The following RSRC2 variants were observed in gnomAD, a reference collection of about 807,000 sequenced individuals.
RSRC2 encodes the protein arginine and serine rich coiled-coil 2, also known as arginine/serine-rich coiled-coil protein 2.
RSRC2 carries 5 observed loss-of-function variants against 61.3 expected under a neutral mutation model. The ratio of observed to expected loss-of-function variants is 0.08; its 90% confidence interval spans 0.04 to 0.17. The LOEUF is 0.17. Ranked by LOEUF, RSRC2 falls within the 10% of genes least tolerant of loss-of-function variation. RSRC2 has a pLI of 1.00. For synonymous variants in RSRC2, 202 were observed against 166.5 expected, an observed-to-expected ratio of 1.21 and a Z score of -1.64; for missense variants, 381 against 518.8, an observed-to-expected ratio of 0.73 and a Z score of 2.58.
intron 3 of RSRC2, chr12:122,521,026 T>C (rs1050705372): frequency 8.3e-6 from 2 of 240,632 alleles, no homozygotes; most frequent in Non-Finnish European, 1.6e-5. Context: ...GGTATTGCTA[T>C]GTAAAGATGA....
intron 5 of RSRC2, 43 bp downstream of exon 5, chr12:122,517,184 C>CT: frequency 6.2e-7 from 1 of 1,612,286 alleles, no homozygotes; most frequent in Non-Finnish European, 8.5e-7. Context: ...AACAGACTCT[C>CT]TGAGGGTCCT....
intron 6 of RSRC2, among the ~76,000 whole-genome samples, chr12:122,512,800 T>C (rs1269216083): frequency 1.3e-5 from 2 of 151,968 alleles, no homozygotes; most frequent in East Asian, 1.9e-4. Flanking sequence ...CAAGCTATAA[T>C]TTTATTCCCT....
intron 1 of RSRC2, among the ~76,000 whole-genome samples, chr12:122,524,111 C>T (rs1382844192): frequency 2.6e-5 from 4 of 152,142 alleles, no homozygotes; most frequent in Non-Finnish European, 4.4e-5. Context: ...TCAACTTTCT[C>T]GTTTCACAGA....
intron 9 of RSRC2, 57 bp downstream of exon 9, chr12:122,506,777 A>G (rs1958141265): frequency 1.3e-5 from 13 of 1,005,626 alleles, no homozygotes; most frequent in Admixed American, 2.0e-5. Context: ...TGAGGGAAGA[A>G]CAGTGCAGGA....
At chr12:122,522,641 G>A (rs1329682693) in intron 1 of RSRC2, among the ~76,000 whole-genome samples, 1 of 152,182 alleles carries the variant, frequency 6.6e-6, no homozygotes, top group East Asian at 1.9e-4. Context: ...CTTTTTAGAT[G>A]TGTGAATGCA....
rs1958236513 is a variant in RSRC2, at chr12:122,507,986, TAG to T, written c.1035+230_1035+231del. On this transcript the variant is annotated intron_variant, in intron 8 of 9. Transcript: ENST00000331738. ...CAGCTGATTTTTATCTTCTTTTCAG[TAG>T]AGACAGGGTTTTGCCATGTTGGCCA... 5.3e-6 allele frequency: 3 copies of T among 567,686 alleles called. No homozygotes were observed. In the East Asian group the frequency reaches 9.2e-5, roughly 17 times the overall value. 35.2% of individuals were successfully genotyped at this position (567,686 alleles called of 1,614,324 possible).
rs1388867014 is a variant in RSRC2, at chr12:122,505,269, A to G, written c.*258T>C. 1 of 326,848 alleles carries G rather than the reference A, an allele frequency of 3.1e-6. No individual in the cohort carries two copies. Among genetic ancestry groups the G allele is most frequent in the East Asian group, 4.9e-5 (1 of 20,300 alleles). The allele number at this position is 326,848 out of a possible 1,614,324, so 20.2% of individuals were successfully genotyped here. ...TTTTATCCCCACCTGCAGCTTTTATATATTTGAAAAGTAGAATTCATGAAC... is the reference window on the plus strand; with the variant it reads ...TTTTATCCCCACCTGCAGCTTTTATGTATTTGAAAAGTAGAATTCATGAAC... On this transcript the variant is annotated 3_prime_UTR_variant, in exon 10 of 10. Transcript: ENST00000331738.
Position 122,517,272 on chromosome 12 carries a change from T to C in RSRC2, c.557A>G (p.His186Arg), listed in dbSNP as rs754171662. The C allele has an allele frequency of 3.1e-6, 5 of 1,614,046 alleles. No homozygotes were observed. Among genetic ancestry groups the C allele is most frequent in the Non-Finnish European group, 4.2e-6 (5 of 1,180,042 alleles). The change falls in exon 5 of 10, where the codon CAC (histidine) becomes CGC (arginine). Residue 186 changes from histidine to arginine, a missense_variant. Around this residue, in one of 4 missense-constraint regions of RSRC2, gnomAD observed 266 missense variants for 270.5 expected, o/e 0.98. Transcript: ENST00000331738. ...ACTCCTGCTTCTAGTCCTATGCCTG[T>C]GTCTTGATCTTGAGCGGGAACGAGA... ...IRSRSRSRSR[H>R]RHRTRSRSRT...
At position 122,504,495 on chromosome 12, in the gene RSRC2, G is replaced by C. The variant is rs1958009051; in HGVS notation, c.*1032C>G. On this transcript the variant is annotated 3_prime_UTR_variant, in exon 10 of 10. Coordinates refer to ENST00000331738, the MANE Select transcript of RSRC2 (RefSeq NM_023012.6). The stretch of plus-strand genomic sequence containing the variant: ...ATACAAAAATTAGCTGGGTGCGGTG[G>C]TACGCCTGTAATCCCAGTTACATGG... The C allele has an allele frequency of 6.6e-6, 1 of 152,226 alleles. No homozygotes were observed. Among genetic ancestry groups the C allele is most frequent in the Non-Finnish European group, 1.5e-5 (1 of 68,092 alleles). 9.4% of individuals were successfully genotyped at this position (152,226 alleles called of 1,614,324 possible).
Position 122,504,836 on chromosome 12 carries a change from C to T in RSRC2, c.*691G>A, listed in dbSNP as rs1483436233. 6.6e-6 allele frequency: 1 copy of T among 152,542 alleles called. No individual in the cohort carries two copies. The highest frequency in any genetic ancestry group is 1.5e-5 in the Non-Finnish European group (1 of 68,032). 9.4% of individuals were successfully genotyped at this position (152,542 alleles called of 1,614,324 possible). A position where few individuals can be genotyped will look rare whatever the true frequency, so the allele number is the denominator to read the frequency against. Reference sequence around the variant, plus strand: ...GACAAATACTGAATACCAAGTCTGTCCCTTATAATAGGAAAACATACTATT... The same window carrying T: ...GACAAATACTGAATACCAAGTCTGTTCCTTATAATAGGAAAACATACTATT... On this transcript the variant is annotated 3_prime_UTR_variant, in exon 10 of 10. Transcript: ENST00000331738.
chr12:122,512,229 A>AT (rs1180334571), intron 6 of RSRC2, among the ~76,000 whole-genome samples: 1 of 152,224 alleles, frequency 6.6e-6, no homozygotes, highest in Non-Finnish European at 1.5e-5. Context: ...TATATAGCAA[A>AT]TAACAAGTAA....
rs746385373 is a variant in RSRC2 at position 122,521,433 on chromosome 12, G to A, written c.164-5C>T. 3.1e-6 allele frequency: 5 copies of A among 1,610,634 alleles called. No individual in the cohort carries two copies. In the Admixed American group the frequency reaches 8.3e-5, roughly 27 times the overall value. Reference sequence around the variant, plus strand: ...TGTGTTTTCTTCCTTCATTATCTGTGAATACACAAAAAAAATAATCACCAT... The same window carrying A: ...TGTGTTTTCTTCCTTCATTATCTGTAAATACACAAAAAAAATAATCACCAT... On this transcript the variant is annotated splice_polypyrimidine_tract_variant and splice_region_variant and intron_variant, in intron 2 of 9. Coordinates refer to ENST00000331738, the MANE Select transcript of RSRC2 (RefSeq NM_023012.6).
chr12:122,508,054 T>A lies in RSRC2; in HGVS notation c.1035+164A>T, dbSNP rs553058943. On this transcript the variant is annotated intron_variant, in intron 8 of 9. Coordinates refer to ENST00000331738, the MANE Select transcript of RSRC2 (RefSeq NM_023012.6). The stretch of plus-strand genomic sequence containing the variant: ...CCTTACCTCAACTGATCCGCTCACT[T>A]GGCATCCCAAAGTGCTGGGATTAAA... The A allele has an allele frequency of 2.8e-4, 191 of 694,084 alleles. 1 individual carries two copies. In the South Asian group the frequency reaches 2.8e-3, roughly 10 times the overall value. 43.0% of individuals were successfully genotyped at this position (694,084 alleles called of 1,614,324 possible). A position where few individuals can be genotyped will look rare whatever the true frequency, so the allele number is the denominator to read the frequency against.
At chr12:122,525,914 C>T (rs1397568785) in intron 1 of RSRC2, among the ~76,000 whole-genome samples, 1 of 35,202 alleles carries the variant, frequency 2.8e-5, no homozygotes, top group African/African-American at 2.1e-4. Context: ...CTCCGCCTCC[C>T]GGGTTCACGC....
At chr12:122,523,394 T>C (rs542020596) in intron 1 of RSRC2, 1 of 152,308 alleles carries the variant, frequency 6.6e-6, no homozygotes, top group African/African-American at 2.4e-5. Flanking sequence ...GGCGTGCCTG[T>C]AATCCCAGCA....
chr12:122,521,740 T>C (rs749181140), intron 2 of RSRC2, among the ~76,000 whole-genome samples: 18 of 152,222 alleles, frequency 1.2e-4, no homozygotes, highest in Admixed American at 7.9e-4. Context: ...GGGGGTTTAA[T>C]AGAGAGAGGT....
chr12:122,518,689 G>T, intron 4 of RSRC2, 150 bp downstream of exon 4: 1 of 690,038 alleles, frequency 1.4e-6, no homozygotes, highest in Non-Finnish European at 2.5e-6. Flanking sequence ...AGAAAGCAAA[G>T]CCCAAAGGCA....
chr12:122,524,112 G>A (rs779764354), intron 1 of RSRC2, among the ~76,000 whole-genome samples: 2 of 152,106 alleles, frequency 1.3e-5, no homozygotes, highest in Admixed American at 6.6e-5. Context: ...CAACTTTCTC[G>A]TTTCACAGAT....
In RSRC2 at chr12:122,517,309, G is replaced by A. The variant is rs1361175349; in HGVS notation, c.520C>T (p.Arg174Trp). Residue 174 changes from arginine (R) to tryptophan (W), a missense_variant, in exon 5 of 10, where the codon CGG becomes TGG. By Grantham distance (101) the Arg-to-Trp change is moderately radical (BLOSUM62 -3). Around this residue, in one of 4 missense-constraint regions of RSRC2, gnomAD observed 266 missense variants for 270.5 expected, o/e 0.98. Transcript: ENST00000331738. ...GAGCGGGAACGAGACCTGATCCGCC[G>A]TTTTCTTTCCCTGCTTCTGGATCTC... ...KSRSRSRERK[R>W]RIRSRSRSRS... 10 of 1,613,872 alleles carry A rather than the reference G, an allele frequency of 6.2e-6. No homozygotes were observed. The highest frequency in any genetic ancestry group is 2.2e-5 in the East Asian group (1 of 44,894).
Sources: allele counts gnomAD v4.1 joint callset (sites outside exome capture counted in the v4.1 genomes callset), GRCh38; gene constraint gnomAD v4.1.1; regional missense constraint gnomAD v4.1.1; transcripts MANE v1.5; gene names NCBI Gene and HGNC (gene_info 2026-07-23, HGNC 2026-07-21).